The following LRP1B variants were observed in gnomAD, a reference collection of about 807,000 sequenced individuals.
LRP1B encodes the protein low-density lipoprotein receptor-related protein 1B.
A neutral mutation model predicts 556.6 loss-of-function variants in LRP1B; 217 were observed. The ratio of observed to expected loss-of-function variants is 0.39; its 90% CI spans 0.35 to 0.44. The LOEUF is 0.44. LRP1B is among the 20% of genes least tolerant of loss of function. LRP1B has a pLI of 1.00. For missense variants in LRP1B, 5,053 were observed against 5,620.8 expected (o/e 0.90, Z 3.23); for synonymous variants, 2,047 against 1,865.8 (o/e 1.10, Z -2.50).
chr2:141,652,797 A>G (rs1035689039), intron 2 of LRP1B, among the ~76,000 whole-genome samples: 2 of 152,150 alleles, frequency 1.3e-5, no homozygotes, highest in Non-Finnish European at 1.5e-5. Flanking sequence ...CCACTACTTC[A>G]TGAATCTCAT....
chr2:141,332,510 T>G (rs1242409867), intron 3 of LRP1B, among the ~76,000 whole-genome samples: 1 of 151,256 alleles, frequency 6.6e-6, no homozygotes, highest in African/African-American at 2.4e-5. Context: ...TTTTAAAAAA[T>G]AAAGCATTGT....
Position 140,813,736 on chromosome 2 carries a change from G to A in LRP1B, c.5280C>T (p.Cys1760=), listed in dbSNP as rs1438798714. The change falls in exon 32 of 91, where the codon TGC becomes TGT. Residue 1760 remains cysteine (C), a synonymous_variant. Transcript: ENST00000389484. ...CTTCTAAATTACCACCATCCAGGTT[G>A]CATCTATTTATGGTTCCATTCCCTG... ...ISSGNGTINR[C]NLDGGNLEVI... 4 of 1,609,246 alleles carry A rather than the reference G, an allele frequency of 2.5e-6. No homozygotes were observed. The highest frequency in any genetic ancestry group is 2.7e-5 in the African/African-American group (2 of 74,806).
At chr2:140,343,800 CATT>C (rs1681517089) in intron 77 of LRP1B, among the ~76,000 whole-genome samples, 1 of 151,624 alleles carries the variant, frequency 6.6e-6, no homozygotes, top group Non-Finnish European at 1.5e-5. Flanking sequence ...ATCTCACAAT[CATT>C]GTGCTGGGTG....
chr2:141,234,817 G>C (rs1439951580), intron 5 of LRP1B, among the ~76,000 whole-genome samples: 1 of 152,038 alleles, frequency 6.6e-6, no homozygotes, highest in Non-Finnish European at 1.5e-5. Context: ...AAAAGAAAGA[G>C]AAAGTATTAC....
chr2:140,819,221 A>C (rs953323439), intron 31 of LRP1B, among the ~76,000 whole-genome samples: 1 of 139,984 alleles, frequency 7.1e-6, no homozygotes, highest in African/African-American at 2.5e-5. Context: ...TTTCCCTTTC[A>C]AGCTAAGGCT....
chr2:142,103,826 T>G (rs769935021), intron 1 of LRP1B, among the ~76,000 whole-genome samples: 1 of 151,722 alleles, frequency 6.6e-6, no homozygotes, highest in Non-Finnish European at 1.5e-5. Flanking sequence ...CTCATACTAT[T>G]GGCTGATTCT....
intron 31 of LRP1B, among the ~76,000 whole-genome samples, chr2:140,820,207 T>C (rs867982915): frequency 2.3e-4 from 35 of 152,292 alleles, no homozygotes; most frequent in Middle Eastern, 3.4e-3. Context: ...CTTGAACTCC[T>C]GGCCTAAAGT....
intron 2 of LRP1B, among the ~76,000 whole-genome samples, chr2:141,533,879 T>C (rs1194433628): frequency 1.3e-5 from 2 of 152,214 alleles, no homozygotes; most frequent in African/African-American, 2.4e-5. Context: ...GTTTATTTCC[T>C]ACCCAGATTT....
intron 43 of LRP1B, among the ~76,000 whole-genome samples, chr2:140,595,998 T>C (rs1682426142): frequency 6.6e-6 from 1 of 152,152 alleles, no homozygotes; most frequent in African/African-American, 2.4e-5. Context: ...CATTTAGTCT[T>C]CCCCTTCCCT....
At chr2:141,544,310 C>CTTCTTCTTCTTCTT (rs1685398412) in intron 2 of LRP1B, among the ~76,000 whole-genome samples, 16 of 19,168 alleles carry the variant, frequency 8.3e-4, no homozygotes, top group African/African-American at 2.5e-3. Flanking sequence ...TCTTCTTCTT[C>CTTCTTCTTCTTCTT]TTCTTCTTCT....
At chr2:141,063,737 T>C (rs1699404043) in intron 7 of LRP1B, among the ~76,000 whole-genome samples, 1 of 151,920 alleles carries the variant, frequency 6.6e-6, no homozygotes, top group South Asian at 2.1e-4. Context: ...CCAGTTTCAC[T>C]CTTTCTTACT....
chr2:141,037,090 G>A (rs1698555791), intron 11 of LRP1B, among the ~76,000 whole-genome samples: 1 of 152,012 alleles, frequency 6.6e-6, no homozygotes, highest in Non-Finnish European at 1.5e-5. Flanking sequence ...ACCATTGAGA[G>A]AAGGATAAGA....
chr2:141,150,915 T>TGTGTGTGTGTGTGTGTGTG (rs1558894876), intron 7 of LRP1B, among the ~76,000 whole-genome samples: 1 of 52,348 alleles, frequency 1.9e-5, no homozygotes, highest in African/African-American at 4.9e-5. Flanking sequence ...GTGTGTGTGT[T>TGTGTGTGTGTGTGTGTGTG]TGCCATGCTA....
chr2:141,353,022 G>A (rs1257802527), intron 3 of LRP1B, among the ~76,000 whole-genome samples: 2 of 151,964 alleles, frequency 1.3e-5, no homozygotes, highest in Admixed American at 6.6e-5. Context: ...ATTGACTACA[G>A]AAGACTGGTT....
intron 2 of LRP1B, among the ~76,000 whole-genome samples, chr2:141,540,220 T>C (rs530438567): frequency 2.0e-5 from 3 of 151,936 alleles, no homozygotes; most frequent in Admixed American, 6.6e-5. Context: ...TAAAACCTAC[T>C]TCACACCTTA....
chr2:140,367,857 A>G (rs1425282188), intron 71 of LRP1B, among the ~76,000 whole-genome samples: 3 of 151,806 alleles, frequency 2.0e-5, no homozygotes, highest in African/African-American at 7.2e-5. Context: ...TATTTTAGAA[A>G]ACTCTATTTG....
intron 82 of LRP1B, among the ~76,000 whole-genome samples, chr2:140,321,459 T>A (rs995832508): frequency 1.3e-5 from 2 of 151,992 alleles, no homozygotes; most frequent in African/African-American, 2.4e-5. Flanking sequence ...GAATAATTAT[T>A]ATTATTCTTT....
chr2:140,934,906 C>T (rs1042171763), intron 20 of LRP1B, among the ~76,000 whole-genome samples: 1 of 152,126 alleles, frequency 6.6e-6, no homozygotes, highest in Non-Finnish European at 1.5e-5. Context: ...TCAAACACAA[C>T]CACTTATACA....
chr2:141,098,119 C>G (rs1700365649), intron 7 of LRP1B, among the ~76,000 whole-genome samples: 1 of 152,082 alleles, frequency 6.6e-6, no homozygotes, highest in African/African-American at 2.4e-5. Flanking sequence ...ATATGAAAGC[C>G]TTTTGAGAAT....
Sources: allele counts gnomAD v4.1 joint callset (sites outside exome capture counted in the v4.1 genomes callset), GRCh38; gene constraint gnomAD v4.1.1; transcripts MANE v1.5; gene names NCBI Gene and HGNC (gene_info 2026-07-23, HGNC 2026-07-21).